NTM: variants seen among roughly 807,000 people sequenced by gnomAD.
NTM encodes IgLON family member 2.
A neutral mutation model predicts 42.1 loss-of-function variants in NTM; 13 were observed. That is an observed-to-expected ratio of 0.31 (90% confidence interval 0.20 to 0.49). The LOEUF is 0.49. Ranked by LOEUF, NTM falls within the 20% of genes least tolerant of loss-of-function variation. The pLI, the probability that NTM is intolerant of heterozygous loss-of-function variation, is 0.99. For synonymous variants in NTM, 187 were observed against 179.2 expected (o/e 1.04, Z -0.35); for missense variants, 373 against 452.8 (o/e 0.82, Z 1.60).
At chr11:131,491,000 C>T (rs1232935390) in intron 1 of NTM, among the ~76,000 whole-genome samples, 1 of 152,180 alleles carries the variant, frequency 6.6e-6, no homozygotes. Context: ...CCAGAAGTCA[C>T]ATGGTACAAT....
At chr11:131,535,732 C>T (rs1199452886) in intron 1 of NTM, 1 of 152,240 alleles carries the variant, frequency 6.6e-6, no homozygotes. Context: ...ACCTGCCTCC[C>T]TCATGGGACC....
chr11:131,993,080 T>G (rs1011410091), intron 2 of NTM, among the ~76,000 whole-genome samples: 1 of 152,156 alleles, frequency 6.6e-6, no homozygotes, highest in Non-Finnish European at 1.5e-5. Flanking sequence ...GTTATTCTAA[T>G]GCCTAGATAG....
At chr11:131,572,030 C>A (rs930243079) in intron 1 of NTM, among the ~76,000 whole-genome samples, 7 of 152,270 alleles carry the variant, frequency 4.6e-5, no homozygotes, top group Admixed American at 3.3e-4. Context: ...GAAATTTGAC[C>A]CATGCTCAGA....
At chr11:131,822,869 A>G (rs1274719601) in intron 1 of NTM, among the ~76,000 whole-genome samples, 6 of 152,216 alleles carry the variant, frequency 3.9e-5, no homozygotes, top group Admixed American at 6.5e-5. Context: ...CCAAACACAC[A>G]GGGAAATACC....
chr11:132,061,645 TAGG>T, intron 2 of NTM, among the ~76,000 whole-genome samples: 1 of 152,280 alleles, frequency 6.6e-6, no homozygotes. Context: ...ACGCCTAACT[TAGG>T]AGATATTTGA....
At chr11:132,120,451 C>T (rs572412726) in intron 2 of NTM, among the ~76,000 whole-genome samples, 6 of 152,308 alleles carry the variant, frequency 3.9e-5, no homozygotes, top group Non-Finnish European at 7.4e-5. Context: ...TTAGACCCAG[C>T]TAATGGCTTT....
At chr11:131,506,620 A>G (rs1180285808) in intron 1 of NTM, among the ~76,000 whole-genome samples, 1 of 152,286 alleles carries the variant, frequency 6.6e-6, no homozygotes, top group East Asian at 1.9e-4. Flanking sequence ...ATGAGTTACT[A>G]TCTTTGCCAG....
At chr11:131,692,740 A>G (rs901009378) in intron 1 of NTM, among the ~76,000 whole-genome samples, 3 of 152,206 alleles carry the variant, frequency 2.0e-5, no homozygotes, top group African/African-American at 7.2e-5. Context: ...GCAAGAACCC[A>G]AGAAACCAAA....
intron 8 of NTM, among the ~76,000 whole-genome samples, chr11:132,331,576 T>C (rs572761480): frequency 6.6e-6 from 1 of 152,328 alleles, no homozygotes; most frequent in East Asian, 1.9e-4. Flanking sequence ...CCCCTCCTTC[T>C]TTCAACAAAC....
chr11:131,557,571 C>T (rs1340142312), intron 1 of NTM, among the ~76,000 whole-genome samples: 2 of 152,180 alleles, frequency 1.3e-5, no homozygotes, highest in African/African-American at 4.8e-5. Flanking sequence ...ACTTATCTTA[C>T]TTCTAACCTG....
chr11:131,551,197 T>TTTG (rs1465178254), intron 1 of NTM, among the ~76,000 whole-genome samples: 2 of 152,164 alleles, frequency 1.3e-5, no homozygotes, highest in African/African-American at 4.8e-5. Flanking sequence ...TGCACTCTAC[T>TTTG]TTGTACCATT....
intron 4 of NTM, among the ~76,000 whole-genome samples, chr11:132,215,856 C>T (rs2083742901): frequency 6.6e-6 from 1 of 152,128 alleles, no homozygotes; most frequent in Non-Finnish European, 1.5e-5. Context: ...GAGGAAGAGC[C>T]CCCATCTCAC....
intron 1 of NTM, among the ~76,000 whole-genome samples, chr11:131,863,633 G>T (rs190731389): frequency 7.2e-5 from 11 of 152,334 alleles, no homozygotes; most frequent in African/African-American, 2.6e-4. Context: ...AACTGAACCT[G>T]CAAACCATAA....
intron 1 of NTM, among the ~76,000 whole-genome samples, chr11:131,391,534 G>C (rs1341443774): frequency 7.0e-6 from 1 of 142,892 alleles, no homozygotes; most frequent in Non-Finnish European, 1.5e-5. Flanking sequence ...GATTTTTACA[G>C]TATGTTTAAT....
intron 2 of NTM, among the ~76,000 whole-genome samples, chr11:132,128,071 A>C (rs2066152998): frequency 1.3e-5 from 2 of 152,166 alleles, no homozygotes; most frequent in Non-Finnish European, 2.9e-5. Flanking sequence ...CCATCAGTTT[A>C]CATTTGGCAG....
Position 131,487,058 on chromosome 11 carries a change from A to G in NTM, c.82+116170A>G, listed in dbSNP as rs141522727. Among the ~76,000 whole-genome samples the G allele has an allele frequency of 7.9e-3, 1,206 of 152,236 alleles. 8 individuals carry two copies. The highest frequency in any genetic ancestry group is 0.048 in the Middle Eastern group (14 of 294). On this transcript the variant is annotated intron_variant, in intron 1 of 8. Coordinates refer to ENST00000683400, the MANE Select transcript of NTM (RefSeq NM_001352005.2). ...TGCTCACCAATTTGAAACCCCAGCAAAAAAAACAGTGTTCCTGCTGCTGTC... is the reference window on the plus strand; with the variant it reads ...TGCTCACCAATTTGAAACCCCAGCAGAAAAAACAGTGTTCCTGCTGCTGTC...
At chr11:131,833,800 A>G (rs370233863) in intron 1 of NTM, among the ~76,000 whole-genome samples, 8 of 152,242 alleles carry the variant, frequency 5.3e-5, no homozygotes, top group Non-Finnish European at 1.0e-4. Flanking sequence ...ATTCAAGGGC[A>G]TAAATTCTAT....
intron 4 of NTM, among the ~76,000 whole-genome samples, chr11:132,260,363 T>A (rs1161219697): frequency 1.3e-5 from 2 of 152,200 alleles, no homozygotes; most frequent in East Asian, 3.9e-4. Flanking sequence ...ACAGTGTAAC[T>A]ATTTTTGTAA....
At chr11:132,025,079 G>C (rs56389918) in intron 2 of NTM, among the ~76,000 whole-genome samples, 1 of 152,074 alleles carries the variant, frequency 6.6e-6, no homozygotes, top group African/African-American at 2.4e-5. Flanking sequence ...CAGCACCTTG[G>C]AGTCATGGGA....
Sources: allele counts gnomAD v4.1 joint callset (sites outside exome capture counted in the v4.1 genomes callset), GRCh38; gene constraint gnomAD v4.1.1; transcripts MANE v1.5; gene names NCBI Gene and HGNC (gene_info 2026-07-23, HGNC 2026-07-21).